Variants in ALDH1A2 observed in about 807,000 individuals in gnomAD.
ALDH1A2 encodes the protein retinal dehydrogenase 2.
Under a neutral mutation model 60.3 loss-of-function variants are expected in ALDH1A2, and 27 were observed. The ratio of observed to expected loss-of-function variants is 0.45; its 90% CI spans 0.33 to 0.62. The LOEUF (loss-of-function observed/expected upper bound fraction) is 0.62. ALDH1A2 is among the 20% of genes least tolerant of loss of function. ALDH1A2 has a pLI of 0.02. For synonymous variants in ALDH1A2, 289 were observed against 232.4 expected (o/e 1.24, Z -2.21); for missense variants, 581 against 643.8 (o/e 0.90, Z 1.06).
At chr15:58,033,832 TTTCAC>T (rs537389069) in intron 1 of ALDH1A2, among the ~76,000 whole-genome samples, 12 of 144,472 alleles carry the variant, frequency 8.3e-5, no homozygotes, top group Non-Finnish European at 4.6e-5. Flanking sequence ...CTCTTCTCTA[TTTCAC>T]TTATTTTTCT....
At chr15:58,025,341 A>G (rs1896050512) in intron 1 of ALDH1A2, among the ~76,000 whole-genome samples, 1 of 152,182 alleles carries the variant, frequency 6.6e-6, no homozygotes, top group African/African-American at 2.4e-5. Flanking sequence ...TGAAAATTGA[A>G]AACAGAGACA....
At chr15:58,001,572 T>C (rs541928358) in intron 4 of ALDH1A2, among the ~76,000 whole-genome samples, 2 of 152,060 alleles carry the variant, frequency 1.3e-5, no homozygotes, top group East Asian at 1.9e-4. Context: ...CTCTCATCTA[T>C]ACCTCAGATG....
intron 7 of ALDH1A2, among the ~76,000 whole-genome samples, chr15:57,966,707 G>C (rs550116997): frequency 6.6e-6 from 1 of 152,314 alleles, no homozygotes; most frequent in Non-Finnish European, 1.5e-5. Context: ...CCCAGCACAG[G>C]ACTGGGCTCT....
chr15:57,995,216 G>GAAAAAAAAA, intron 4 of ALDH1A2, 77 bp from the exon 5 acceptor site: 3 of 283,672 alleles, frequency 1.1e-5, no homozygotes, highest in South Asian at 8.1e-5. Context: ...TTTGGTGGCT[G>GAAAAAAAAA]CAAAAAAAAA....
chr15:58,044,281 A>G (rs1411745425), intron 1 of ALDH1A2, among the ~76,000 whole-genome samples: 1 of 151,850 alleles, frequency 6.6e-6, no homozygotes, highest in Non-Finnish European at 1.5e-5. Context: ...CACATTAGGT[A>G]TTTGTCCTAA....
At chr15:57,970,694 C>T (rs1339005027) in intron 7 of ALDH1A2, among the ~76,000 whole-genome samples, 1 of 152,096 alleles carries the variant, frequency 6.6e-6, no homozygotes, top group East Asian at 1.9e-4. Context: ...TTTTATTACA[C>T]ATATCAAGGT....
intron 12 of ALDH1A2, among the ~76,000 whole-genome samples, chr15:57,956,553 C>G (rs187654835): frequency 6.6e-6 from 1 of 152,326 alleles, no homozygotes; most frequent in Non-Finnish European, 1.5e-5. Context: ...CAAGGAGAGA[C>G]TGGGGCAAGC....
intron 7 of ALDH1A2, among the ~76,000 whole-genome samples, chr15:57,981,065 C>T (rs1894485422): frequency 6.6e-6 from 1 of 152,020 alleles, no homozygotes; most frequent in East Asian, 1.9e-4. Flanking sequence ...TGGTGATAAC[C>T]CCTTTATCGT....
intron 1 of ALDH1A2, among the ~76,000 whole-genome samples, chr15:58,059,591 C>T (rs1240655000): frequency 6.6e-6 from 1 of 152,112 alleles, no homozygotes; most frequent in Admixed American, 6.6e-5. Flanking sequence ...ACTTAAAATA[C>T]CAGAAACGTC....
intron 1 of ALDH1A2, among the ~76,000 whole-genome samples, chr15:58,028,850 C>G (rs1896151891): frequency 6.6e-6 from 1 of 152,164 alleles, no homozygotes; most frequent in Non-Finnish European, 1.5e-5. Context: ...GAAGAGCTAA[C>G]TATCCTAAAC....
Position 57,974,452 on chromosome 15 carries a change from AAG to A in ALDH1A2, c.799-8627_799-8626del, listed in dbSNP as rs1185032609. On this transcript the variant is annotated intron_variant, in intron 7 of 12. Transcript: ENST00000249750. Reference sequence around the variant, plus strand: ...CATCTCAAAAAAAAAAAAAAAAAAAAAGAAAGAAATAGACCCATATAAATATG... The same window carrying A: ...CATCTCAAAAAAAAAAAAAAAAAAAAAAAGAAATAGACCCATATAAATATG... Among the ~76,000 whole-genome samples the A allele has an allele frequency of 6.7e-4, 101 of 150,580 alleles. 1 individual carries two copies. Among genetic ancestry groups the A allele is most frequent in the African/African-American group, 2.3e-3 (95 of 40,882 alleles).
intron 7 of ALDH1A2, among the ~76,000 whole-genome samples, chr15:57,972,143 G>GAA (rs1366740942): frequency 8.4e-6 from 1 of 118,566 alleles, no homozygotes. Flanking sequence ...TTTATAATTG[G>GAA]AAAAAAAGAC....
intron 1 of ALDH1A2, among the ~76,000 whole-genome samples, chr15:58,044,351 T>G (rs1213899919): frequency 6.6e-6 from 1 of 151,918 alleles, no homozygotes; most frequent in African/African-American, 2.4e-5. Flanking sequence ...TTCCCCTCCC[T>G]GTGTCCACGG....
intron 9 of ALDH1A2, among the ~76,000 whole-genome samples, chr15:57,962,480 A>C (rs1259689876): frequency 6.6e-6 from 1 of 152,238 alleles, no homozygotes; most frequent in African/African-American, 2.4e-5. Context: ...CTAATTTACT[A>C]TTCAATGTTC....
At chr15:57,992,588 C>T in intron 7 of ALDH1A2, 117 bp downstream of exon 7, 1 of 916,162 alleles carries the variant, frequency 1.1e-6, no homozygotes, top group South Asian at 1.4e-5. Context: ...CCTTTGTGGG[C>T]TTGGGTACTC....
At chr15:58,012,516 C>A (rs74498165) in intron 3 of ALDH1A2, among the ~76,000 whole-genome samples, 2,374 of 152,236 alleles carry the variant, frequency 0.016, 60 homozygotes, top group African/African-American at 0.048. Flanking sequence ...ATTTAGTAGG[C>A]TTTTCCTGAG....
intron 7 of ALDH1A2, among the ~76,000 whole-genome samples, chr15:57,970,005 A>G (rs934495936): frequency 2.0e-5 from 3 of 152,206 alleles, no homozygotes; most frequent in Non-Finnish European, 4.4e-5. Context: ...TGTAGAATGA[A>G]GGCACAGGCC....
chr15:58,035,105 G>A (rs141413158), intron 1 of ALDH1A2, among the ~76,000 whole-genome samples: 137 of 151,640 alleles, frequency 9.0e-4, no homozygotes, highest in African/African-American at 3.1e-3. Context: ...TTTTTTGAAA[G>A]GTTATTAATT....
chr15:58,023,893 A>T (rs1045190126), intron 1 of ALDH1A2, among the ~76,000 whole-genome samples: 11 of 152,142 alleles, frequency 7.2e-5, no homozygotes, highest in Non-Finnish European at 1.3e-4. Context: ...GGAGCTCAAG[A>T]CCAGCCTGAC....
Sources: allele counts gnomAD v4.1 joint callset (sites outside exome capture counted in the v4.1 genomes callset), GRCh38; gene constraint gnomAD v4.1.1; transcripts MANE v1.5; gene names NCBI Gene and HGNC (gene_info 2026-07-23, HGNC 2026-07-21).